GPATCH2L: variants seen among roughly 807,000 people sequenced by gnomAD.
GPATCH2L encodes G-patch domain containing 2 like.
A neutral mutation model predicts 57.4 loss-of-function variants in GPATCH2L; 31 were observed. The observed-to-expected ratio is 0.54, with a 90% confidence interval of 0.41 to 0.73. The LOEUF is 0.73. Among genes scored for constraint, GPATCH2L ranks in the 30% least tolerant of loss-of-function variants. The pLI is 0.00. For synonymous variants in GPATCH2L, 199 were observed against 210.7 expected (o/e 0.94, Z 0.48); for missense variants, 481 against 599.9 (o/e 0.80, Z 2.07).
intron 3 of GPATCH2L, chr14:76,170,669 CAT>C (rs2039043353): frequency 6.6e-6 from 1 of 151,982 alleles, no homozygotes; most frequent in African/African-American, 2.4e-5. Context: ...GAAGTATGGA[CAT>C]ATATTCTTTA....
At chr14:76,167,678 G>A (rs1377310468) in intron 3 of GPATCH2L, among the ~76,000 whole-genome samples, 1 of 152,198 alleles carries the variant, frequency 6.6e-6, no homozygotes, top group Non-Finnish European at 1.5e-5. Context: ...GCTTCCTACT[G>A]TAATGGAGGT....
chr14:76,229,363 C>T (rs1349427266), intron 1 of GPATCH2L, among the ~76,000 whole-genome samples: 1 of 152,202 alleles, frequency 6.6e-6, no homozygotes, highest in Non-Finnish European at 1.5e-5. Context: ...AGTCCCATTC[C>T]TCATCTGATA....
In GPATCH2L at chr14:76,171,970, T is replaced by G. The variant is rs1594936948; in HGVS notation, c.855T>G (p.Asp285Glu). ...SEVERMDSGL[D>E]KFSDSTFLLP... ...TAGAAAGAATGGATTCTGGATTGGATAAATTTTCAGATTCCACATTCCTTT... is the reference window on the plus strand; with the variant it reads ...TAGAAAGAATGGATTCTGGATTGGAGAAATTTTCAGATTCCACATTCCTTT... Residue 285 changes from aspartate (D) to glutamate (E), a missense_variant, in exon 4 of 10, where the codon GAT (aspartate) becomes GAG (glutamate). Asp to Glu is a conservative substitution (Grantham distance 45, BLOSUM62 2). Transcript: ENST00000261530. The G allele has an allele frequency of 1.2e-6, 2 of 1,612,920 alleles. No homozygotes were observed. Among genetic ancestry groups the G allele is most frequent in the Non-Finnish European group, 1.7e-6 (2 of 1,179,250 alleles).
At chr14:76,165,356 G>A (rs1412775130) in intron 2 of GPATCH2L, among the ~76,000 whole-genome samples, 1 of 151,948 alleles carries the variant, frequency 6.6e-6, no homozygotes, top group Non-Finnish European at 1.5e-5. Flanking sequence ...GCTGGGTGTG[G>A]TGGTGCGCGC....
intron 3 of GPATCH2L, among the ~76,000 whole-genome samples, chr14:76,168,622 G>A (rs903193012): frequency 1.3e-5 from 2 of 152,200 alleles, no homozygotes; most frequent in African/African-American, 4.8e-5. Flanking sequence ...GTAAATGCCA[G>A]GTGACCAGGC....
Position 76,213,997 on chromosome 14 carries a change from T to C in GPATCH2L, c.*12146T>C, listed in dbSNP as rs1322959591. The stretch of plus-strand genomic sequence containing the variant: ...CACACTGTTTTAATTATAGAGACTT[T>C]ATAGTATGTTTTAACAACTGGCAAG... On this transcript the variant is annotated 3_prime_UTR_variant, in exon 10 of 10. Coordinates refer to ENST00000261530, the MANE Select transcript of GPATCH2L (RefSeq NM_017926.4). 2 of 152,200 alleles carry C rather than the reference T, an allele frequency of 1.3e-5. No homozygotes were observed. Among genetic ancestry groups the C allele is most frequent in the East Asian group, 3.8e-4 (2 of 5,206 alleles). The allele number at this position is 152,200 out of a possible 1,614,324, so 9.4% of individuals were successfully genotyped here. A position where few individuals can be genotyped will look rare whatever the true frequency, so the allele number is the denominator to read the frequency against.
intron 1 of GPATCH2L, chr14:76,153,903 C>T (rs1177866387): frequency 6.5e-6 from 1 of 154,468 alleles, no homozygotes; most frequent in Non-Finnish European, 1.4e-5. Flanking sequence ...CCATGTGCTA[C>T]TCTGTGTTTC....
intron 8 of GPATCH2L, among the ~76,000 whole-genome samples, chr14:76,190,580 T>C (rs2039929674): frequency 6.6e-6 from 1 of 152,148 alleles, no homozygotes; most frequent in Admixed American, 6.6e-5. Flanking sequence ...ATAGCCTGTC[T>C]TTTCTCTAAT....
chr14:76,181,373 C>T (rs537688686), intron 8 of GPATCH2L, among the ~76,000 whole-genome samples: 2 of 152,212 alleles, frequency 1.3e-5, no homozygotes, highest in African/African-American at 4.8e-5. Flanking sequence ...GGTGCCACCT[C>T]GTCAAGGAGG....
In GPATCH2L at chr14:76,201,731, A is replaced by G; in HGVS notation, c.1329A>G (p.Gln443=). The G allele has an allele frequency of 6.2e-7, 1 of 1,613,840 alleles. No homozygotes were observed. Among genetic ancestry groups the G allele is most frequent in the East Asian group, 2.2e-5 (1 of 44,856 alleles). The change falls in exon 10 of 10, where the codon CAA becomes CAG. Residue 443 remains glutamine (Q), a synonymous_variant. Transcript: ENST00000261530. ...TGGAGCCAACCACACCAGCATCACA[A>G]GCCCCCAAATCACCCAGCTCTGAGT... ...DAVEPTTPAS[Q]APKSPSSEWL... is the part of the protein sequence containing the mutation.
intron 8 of GPATCH2L, among the ~76,000 whole-genome samples, chr14:76,185,675 C>T (rs2039738780): frequency 1.3e-5 from 2 of 152,136 alleles, no homozygotes; most frequent in African/African-American, 4.8e-5. Flanking sequence ...TTTCTTTAAG[C>T]TCTGAAATAG....
At chr14:76,155,129 A>AC in intron 2 of GPATCH2L, 104 bp downstream of exon 2, 1 of 873,498 alleles carries the variant, frequency 1.1e-6, no homozygotes, top group Non-Finnish European at 1.7e-6. Context: ...CAGCCACTCT[A>AC]GTATTGACTT....
chr14:76,152,578 C>T (rs1429913523), intron 1 of GPATCH2L: 3 of 447,568 alleles, frequency 6.7e-6, no homozygotes, highest in Non-Finnish European at 1.4e-5. Flanking sequence ...CATCTCTGCC[C>T]GGGTGCGTGC....
intron 2 of GPATCH2L, among the ~76,000 whole-genome samples, chr14:76,232,918 T>C (rs2040579958): frequency 6.6e-6 from 1 of 152,172 alleles, no homozygotes; most frequent in Non-Finnish European, 1.5e-5. Flanking sequence ...AGAGGTAAAA[T>C]GGATACTGCA....
chr14:76,156,512 A>G (rs1009168480), intron 2 of GPATCH2L, among the ~76,000 whole-genome samples: 2 of 152,182 alleles, frequency 1.3e-5, no homozygotes. Flanking sequence ...CAGAATTTAT[A>G]TGTATATATT....
At position 76,195,870 on chromosome 14, in the gene GPATCH2L, A is replaced by G. The variant is rs761631486; in HGVS notation, c.1194-8A>G. 4.4e-6 allele frequency: 7 copies of G among 1,607,000 alleles called. No individual in the cohort carries two copies. Among genetic ancestry groups the G allele is most frequent in the Non-Finnish European group, 4.3e-6 (5 of 1,173,608 alleles). On this transcript the variant is annotated splice_polypyrimidine_tract_variant and splice_region_variant and intron_variant, in intron 8 of 9. Transcript: ENST00000261530. ...TTCAAACCATTTTTCTTCTTCTTAC[A>G]TCTGCAGACAGGCAAATGTACACTG...
rs138645784 is a variant in GPATCH2L at position 76,193,843 on chromosome 14, T to A, written c.1194-2035T>A. ...AGAGGAAAGAAGCATGACTATACAC[T>A]GTTAGCCTTTGTTTGACTTTGTTTC... is the stretch of plus-strand genomic sequence containing the variant. On this transcript the variant is annotated intron_variant, in intron 8 of 9. Transcript: ENST00000261530. 9.2e-5 allele frequency among the ~76,000 whole-genome samples: 14 copies of A among 152,304 alleles called. No homozygotes were observed. In the East Asian group the frequency reaches 2.5e-3, roughly 27 times the overall value.
intron 9 of GPATCH2L, among the ~76,000 whole-genome samples, chr14:76,199,710 T>A (rs983025449): frequency 6.6e-6 from 1 of 152,030 alleles, no homozygotes; most frequent in Non-Finnish European, 1.5e-5. Flanking sequence ...GTAGTGCTTG[T>A]GGGAAGGTAA....
chr14:76,230,961 A>G (rs910696194), intron 2 of GPATCH2L, among the ~76,000 whole-genome samples: 1 of 152,232 alleles, frequency 6.6e-6, no homozygotes, highest in Non-Finnish European at 1.5e-5. Context: ...GATCCTAAAT[A>G]GTGGCCTGTG....
Sources: allele counts gnomAD v4.1 joint callset (sites outside exome capture counted in the v4.1 genomes callset), GRCh38; gene constraint gnomAD v4.1.1; transcripts MANE v1.5; gene names NCBI Gene and HGNC (gene_info 2026-07-23, HGNC 2026-07-21).